The following NCOR2 variants were observed in gnomAD, a reference collection of about 807,000 sequenced individuals.
NCOR2 encodes the protein CTG repeat protein 26.
Under a neutral mutation model 262.9 loss-of-function variants are expected in NCOR2, and 81 were observed. The observed-to-expected ratio is 0.31, with a 90% CI of 0.26 to 0.37. The LOEUF is 0.37. Among genes scored for constraint, NCOR2 ranks in the 10% least tolerant of loss-of-function variants. The pLI is 1.00. For missense variants in NCOR2, 3,385 were observed against 3,621.4 expected (o/e 0.93, Z 1.68); for synonymous variants, 1,659 against 1,559.3 (o/e 1.06, Z -1.51).
At chr12:124,377,405 CTGAAT>C (rs1339952733) in intron 18 of NCOR2, among the ~76,000 whole-genome samples, 1 of 152,142 alleles carries the variant, frequency 6.6e-6, no homozygotes, top group Non-Finnish European at 1.5e-5. Flanking sequence ...AAGAAGGGGA[CTGAAT>C]TATTTATCAC....
Position 124,402,512 on chromosome 12 carries a change from GGCTGCTGCTGCT to G in NCOR2, c.1520_1531del (p.Gln507_Gln510del), listed in dbSNP as rs35831183. 1,035 of 1,459,324 alleles carry G rather than the reference GGCTGCTGCTGCT, an allele frequency of 7.1e-4. 5 individuals are homozygous for G. Among genetic ancestry groups the G allele is most frequent in the African/African-American group, 5.9e-3 (424 of 72,230 alleles). 90.4% of individuals were successfully genotyped at this position (1,459,324 alleles called of 1,614,324 possible). ...CTCCTCCTGGCTGCTGCGGGGCATG[GGCTGCTGCTGCT>G]GCTGCTGCTGCTGCTGCTGCTGCTG... is the stretch of plus-strand genomic sequence containing the variant. On this transcript the variant is annotated inframe_deletion, in exon 14 of 47. Coordinates refer to ENST00000405201, the Ensembl canonical transcript of NCOR2.
Position 124,501,056 on chromosome 12 carries a change from A to ACGCG in NCOR2, c.-117-5692_-117-5689dup, listed in dbSNP as rs1203168465. Among the ~76,000 whole-genome samples, 8 of 49,386 alleles carry ACGCG rather than the reference A, an allele frequency of 1.6e-4. 1 individual carries two copies. The highest frequency in any genetic ancestry group is 7.3e-4 in the South Asian group (1 of 1,372). The allele number at this position is 49,386 out of a possible 152,430, so 32.4% of individuals were successfully genotyped here. A position where few individuals can be genotyped will look rare whatever the true frequency, so the allele number is the denominator to read the frequency against. On this transcript the variant is annotated intron_variant, in intron 1 of 46. Coordinates refer to the NCOR2 transcript ENST00000404621. ...GCGCCCACGGCACGAGCGCGCGCGC[A>ACGCG]CGCGCGCACACACACACACACACAC...
At chr12:124,469,125 C>T (rs2046698697) in intron 4 of NCOR2, among the ~76,000 whole-genome samples, 1 of 152,060 alleles carries the variant, frequency 6.6e-6, no homozygotes, top group African/African-American at 2.4e-5. Context: ...GGGTTTAGGG[C>T]ACTGGCCCAA....
At chr12:124,449,735 C>T in intron 7 of NCOR2, 80 bp downstream of exon 9, 2 of 1,524,272 alleles carry the variant, frequency 1.3e-6, no homozygotes, top group Admixed American at 3.5e-5. Flanking sequence ...AGCCCACGTC[C>T]CACATCCCAT....
Position 124,566,496 on chromosome 12 carries a change from G to A in NCOR2, c.-165+812C>T, listed in dbSNP as rs2052244369. 6.6e-6 allele frequency among the ~76,000 whole-genome samples: 1 copy of A among 152,202 alleles called. No homozygotes were observed. Among genetic ancestry groups the A allele is most frequent in the Non-Finnish European group, 1.5e-5 (1 of 68,024 alleles). ...TGCAAGTGTCTGGGGCGGGGAGGGC[G>A]TACCCCACGGGTGCCCTCACTCCCC... On this transcript the variant is annotated intron_variant, in intron 1 of 32. Coordinates refer to the NCOR2 transcript ENST00000458234. The surrounding 1 kb of genome is among the most constrained non-coding windows in gnomAD (Gnocchi z 4.3).
rs1566358633 is a variant in NCOR2 at position 124,336,552 on chromosome 12, A to C, written c.6115+201T>G. 3 of 948,184 alleles carry C rather than the reference A, an allele frequency of 3.2e-6. No homozygotes were observed. In the African/African-American group the frequency reaches 5.3e-5, roughly 17 times the overall value. The allele number at this position is 948,184 out of a possible 1,614,324, so 58.7% of individuals were successfully genotyped here. ...AAAACAAAATACCAAAACCAACAAC[A>C]AAAAAAACGGGGGCCAAAGTAAAAA... On this transcript the variant is annotated intron_variant, in intron 38 of 46. Coordinates refer to ENST00000405201, the Ensembl canonical transcript of NCOR2.
exon 40 of NCOR2, chr12:124,335,215 G>C (rs746341430): frequency 3.1e-6 from 5 of 1,610,780 alleles, no homozygotes; most frequent in Non-Finnish European, 4.2e-6. Context: ...CTGGACGAGG[G>C]CTGGCTCTCA....
intron 27 of NCOR2, among the ~76,000 whole-genome samples, chr12:124,352,156 C>T (rs2037539188): frequency 6.6e-6 from 1 of 152,210 alleles, no homozygotes; most frequent in Admixed American, 6.5e-5. Context: ...CAGCTCGGGG[C>T]AGCCACCTCT....
chr12:124,339,053 C>T (rs1344903644), intron 37 of NCOR2, among the ~76,000 whole-genome samples: 1 of 150,468 alleles, frequency 6.6e-6, no homozygotes, highest in African/African-American at 2.5e-5. Context: ...ACTCAGCCAC[C>T]CACCCATCCA....
intron 1 of NCOR2, among the ~76,000 whole-genome samples, chr12:124,509,803 G>C (rs1218640913): frequency 2.0e-5 from 3 of 152,104 alleles, no homozygotes; most frequent in African/African-American, 7.2e-5. Flanking sequence ...CTTTGCAGAT[G>C]AACACTGCCC....
At chr12:124,498,838 C>G (rs1019241791), upstream of NCOR2, among the ~76,000 whole-genome samples, 1 of 152,224 alleles carries the variant, frequency 6.6e-6, no homozygotes, top group Admixed American at 6.5e-5. Flanking sequence ...GTGTCCTACA[C>G]CACACATAAC....
intron 16 of NCOR2, among the ~76,000 whole-genome samples, chr12:124,390,936 G>A (rs1014973083): frequency 1.3e-5 from 2 of 152,270 alleles, no homozygotes; most frequent in East Asian, 1.9e-4. Flanking sequence ...AGAGCCAGGC[G>A]CAGGGGCCCG....
intron 11 of NCOR2, among the ~76,000 whole-genome samples, chr12:124,423,979 A>G (rs937173156): frequency 6.6e-6 from 1 of 152,190 alleles, no homozygotes; most frequent in Non-Finnish European, 1.5e-5. Context: ...TCCTCTGCAC[A>G]TGAGACCTCA....
chr12:124,349,411 G>A (rs73419862), intron 28 of NCOR2, among the ~76,000 whole-genome samples: 4 of 152,200 alleles, frequency 2.6e-5, no homozygotes, highest in African/African-American at 9.7e-5. Context: ...TACTCCAGGG[G>A]TTGCCAACAG....
Position 124,521,206 on chromosome 12 carries a change from T to C in NCOR2, c.-118+14359A>G, listed in dbSNP as rs560588692. Reference sequence around the variant, plus strand: ...CCAGCTGGAAGAGACCCCCACTCACTTCCTCCCCACACACTGCTGCTTCCT... The same window carrying C: ...CCAGCTGGAAGAGACCCCCACTCACCTCCTCCCCACACACTGCTGCTTCCT... On this transcript the variant is annotated intron_variant, in intron 1 of 46. Coordinates refer to the NCOR2 transcript ENST00000404621. 2.6e-5 allele frequency among the ~76,000 whole-genome samples: 4 copies of C among 152,276 alleles called. No homozygotes were observed. In the South Asian group the frequency reaches 8.3e-4, roughly 32 times the overall value.
intron 1 of NCOR2, among the ~76,000 whole-genome samples, chr12:124,505,878 T>A (rs1426862719): frequency 6.6e-6 from 1 of 152,136 alleles, no homozygotes; most frequent in East Asian, 1.9e-4. Context: ...GATTCTCAAG[T>A]GAGCCCAAAT....
chr12:124,479,475 G>A (rs1489712307), intron 3 of NCOR2, among the ~76,000 whole-genome samples: 2 of 131,196 alleles, frequency 1.5e-5, no homozygotes, highest in East Asian at 2.4e-4. Context: ...ACACAAACAC[G>A]CAGGGACACA....
chr12:124,374,615 C>T, intron 18 of NCOR2, 152 bp from the exon 21 acceptor site: 2 of 765,272 alleles, frequency 2.6e-6, no homozygotes, highest in South Asian at 1.7e-5. Flanking sequence ...TGCCCTTCTC[C>T]ATGGACCGAT....
In NCOR2 at chr12:124,442,644, T is replaced by C. The variant is rs183548265; in HGVS notation, c.816-4648A>G. ...CTTTGAAACACCGTGGTGAAGACCATACAAAATTGACTTTGGGGTTTGCAG... is the reference window on the plus strand; with the variant it reads ...CTTTGAAACACCGTGGTGAAGACCACACAAAATTGACTTTGGGGTTTGCAG... On this transcript the variant is annotated intron_variant, in intron 7 of 46. Coordinates refer to ENST00000405201, the Ensembl canonical transcript of NCOR2. 1.2e-3 allele frequency among the ~76,000 whole-genome samples: 178 copies of C among 152,264 alleles called. 2 individuals are homozygous for C. The highest frequency in any genetic ancestry group is 0.011 in the Admixed American group (172 of 15,298).
Sources: allele counts gnomAD v4.1 joint callset (sites outside exome capture counted in the v4.1 genomes callset), GRCh38; gene constraint gnomAD v4.1.1; non-coding constraint Gnocchi (gnomAD v3.1); transcripts MANE v1.5; gene names NCBI Gene and HGNC (gene_info 2026-07-23, HGNC 2026-07-21).